HNRNPR: variants seen among roughly 807,000 people sequenced by gnomAD.
HNRNPR encodes the protein heterogeneous nuclear ribonucleoprotein R.
Under a neutral mutation model 70.3 loss-of-function variants are expected in HNRNPR, and 4 were observed. The observed-to-expected ratio is 0.06, with a 90% CI of 0.03 to 0.13. The LOEUF (loss-of-function observed/expected upper bound fraction) is 0.13, where lower values mean the gene tolerates loss of function less well. Ranked by LOEUF, HNRNPR falls within the 10% of genes least tolerant of loss-of-function variation. HNRNPR has a pLI of 1.00. For synonymous variants in HNRNPR, 241 were observed against 267.6 expected (o/e 0.90, Z 0.97); for missense variants, 423 against 788.5 (o/e 0.54, Z 5.55).
chr1:23,321,644 C>T lies in HNRNPR; in HGVS notation c.695G>A (p.Arg232His), dbSNP rs764215177. Residue 232 changes from arginine to histidine, a missense_variant, in exon 7 of 11, where the codon CGC becomes CAC. Arg to His is a conservative substitution (Grantham distance 29). This residue lies in a region of HNRNPR where 118 missense variants were observed against 239.3 expected (regional missense o/e 0.49). Coordinates refer to ENST00000302271, the MANE Select transcript of HNRNPR (RefSeq NM_005826.5). ...AVKLCDSYEI[R>H]PGKHLGVCIS... is the part of the protein sequence containing the mutation. ...GCACACTCCAAGGTGTTTACCAGGG[C>T]GAATTTCATAGCTGTCACACTGCAA... The T allele has an allele frequency of 1.9e-6, 3 of 1,608,614 alleles. No individual in the cohort carries two copies. The highest frequency in any genetic ancestry group is 1.3e-5 in the African/African-American group (1 of 74,876).
At chr1:23,320,100 G>A (rs1444701920) in intron 7 of HNRNPR, among the ~76,000 whole-genome samples, 3 of 152,104 alleles carry the variant, frequency 2.0e-5, no homozygotes, top group African/African-American at 7.2e-5. Flanking sequence ...TGAAAGCAGA[G>A]AATATGTCTC....
Position 23,318,494 on chromosome 1 carries a change from C to A in HNRNPR, c.1006G>T (p.Val336Phe). The A allele has an allele frequency of 6.2e-7, 1 of 1,614,086 alleles. No individual in the cohort carries two copies. The highest frequency in any genetic ancestry group is 8.5e-7 in the Non-Finnish European group (1 of 1,179,922). The change falls in exon 8 of 11, where the codon GTC becomes TTC. Residue 336 changes from valine (V) to phenylalanine (F), a missense_variant. Physicochemically the swap from Val to Phe is conservative, Grantham distance 50 (BLOSUM62 -1). Transcript: ENST00000302271. The surrounding 1 kb of genome is among the most constrained non-coding windows in gnomAD (Gnocchi z 4.2). ...ADPVEEPDPE[V>F]MAKVKVLFVR... Reference sequence around the variant, plus strand: ...GCAACTGTATTTACCTTAGCCATGACTTCTGGATCTGGTTCTTCCACAGGG... The same window carrying A: ...GCAACTGTATTTACCTTAGCCATGAATTCTGGATCTGGTTCTTCCACAGGG...
chr1:23,322,926 G>A (rs935429619), intron 6 of HNRNPR, among the ~76,000 whole-genome samples: 4 of 152,084 alleles, frequency 2.6e-5, no homozygotes, highest in African/African-American at 9.7e-5. Flanking sequence ...TACTACTACT[G>A]GTCTGAAATG....
At chr1:23,333,264 G>C (rs1646318290) in intron 5 of HNRNPR, among the ~76,000 whole-genome samples, 1 of 152,144 alleles carries the variant, frequency 6.6e-6, no homozygotes. Flanking sequence ...ATGGTGTGCT[G>C]CTAGTAGCAT....
chr1:23,332,759 G>C (rs1175851117), intron 5 of HNRNPR, among the ~76,000 whole-genome samples: 2 of 150,670 alleles, frequency 1.3e-5, no homozygotes, highest in African/African-American at 4.9e-5. Context: ...AAAAAAACTT[G>C]GTTGGGCACT....
intron 5 of HNRNPR, among the ~76,000 whole-genome samples, chr1:23,326,379 T>C (rs538873953): frequency 1.3e-5 from 2 of 152,292 alleles, no homozygotes; most frequent in African/African-American, 4.8e-5. Context: ...AAAAACATAC[T>C]GAGAAAAGCA....
intron 7 of HNRNPR, among the ~76,000 whole-genome samples, chr1:23,320,403 T>C (rs1309322075): frequency 6.6e-6 from 1 of 152,032 alleles, no homozygotes; most frequent in Non-Finnish European, 1.5e-5. Flanking sequence ...GGAGCTGAAG[T>C]AAAGGACTAA....
At chr1:23,335,011 G>A (rs980061604) in intron 4 of HNRNPR, among the ~76,000 whole-genome samples, 2 of 151,780 alleles carry the variant, frequency 1.3e-5, no homozygotes, top group African/African-American at 4.8e-5. Flanking sequence ...TCCGCCTCCC[G>A]GGTTCACGCC....
rs922402232 is a variant in HNRNPR at position 23,318,103 on chromosome 1, T to C, written c.1017+380A>G. ...TCATGGCCAAGTAATAAAGTCATAA[T>C]ATAGTCAATGAAGATTATAACTTAT... On this transcript the variant is annotated intron_variant, in intron 8 of 10. Transcript: ENST00000302271. This position sits in a 1 kb window ranked among gnomAD's most constrained non-coding sequence, Gnocchi z 4.2. Among the ~76,000 whole-genome samples, 2 of 151,412 alleles carry C rather than the reference T, an allele frequency of 1.3e-5. No homozygotes were observed. Among genetic ancestry groups the C allele is most frequent in the African/African-American group, 4.8e-5 (2 of 41,308 alleles).
At chr1:23,334,129 G>C (rs1303459213) in intron 4 of HNRNPR, among the ~76,000 whole-genome samples, 2 of 152,004 alleles carry the variant, frequency 1.3e-5, no homozygotes, top group Non-Finnish European at 2.9e-5. Flanking sequence ...GGCCAGGCTG[G>C]TCAGGAACTC....
Position 23,315,295 on chromosome 1 carries a change from A to C in HNRNPR, c.1018-1593T>G, listed in dbSNP as rs912413288. On this transcript the variant is annotated intron_variant, in intron 8 of 10. Coordinates refer to ENST00000302271, the MANE Select transcript of HNRNPR (RefSeq NM_005826.5). ...GCTCCGTCTCAAAAAAAAAAAAAAA[A>C]AAAAAAAAAACAAAAACCCAAAAAA... is the stretch of plus-strand genomic sequence containing the variant. 1.3e-3 allele frequency among the ~76,000 whole-genome samples: 194 copies of C among 150,624 alleles called. 7 individuals carry two copies. The East Asian group carries it at 0.018, about 14-fold the overall frequency.
intron 5 of HNRNPR, among the ~76,000 whole-genome samples, chr1:23,326,362 T>C (rs1024019822): frequency 1.3e-5 from 2 of 152,166 alleles, no homozygotes; most frequent in Non-Finnish European, 2.9e-5. Flanking sequence ...AGAACAATCT[T>C]TGTAACAAAA....
chr1:23,331,834 T>TATAAAAAAA (rs1646240219), intron 5 of HNRNPR, among the ~76,000 whole-genome samples: 1 of 59,242 alleles, frequency 1.7e-5, no homozygotes, highest in Admixed American at 2.9e-4. Flanking sequence ...ACTGTTTCTT[T>TATAAAAAAA]AAAAAAAAAA....
intron 6 of HNRNPR, 60 bp downstream of exon 6, chr1:23,323,496 G>A: frequency 6.9e-7 from 1 of 1,451,356 alleles, no homozygotes; most frequent in Non-Finnish European, 9.5e-7. Flanking sequence ...AAACATTTTT[G>A]AATTAAAGTT....
intron 8 of HNRNPR, 126 bp from the exon 9 acceptor site, chr1:23,313,828 G>A: frequency 3.8e-6 from 4 of 1,054,120 alleles, no homozygotes; most frequent in Non-Finnish European, 5.4e-6. Context: ...GTTGTTACAG[G>A]TAGTAAGAGA....
rs189517601 is a variant in HNRNPR at position 23,331,447 on chromosome 1, C to T, written c.498+2071G>A. ...ATAGCTGGGCTTCACTTTGGGAGGC[C>T]GAGGCAGGCAGATCACCTGATGTCA... On this transcript the variant is annotated intron_variant, in intron 5 of 10. Coordinates refer to ENST00000302271, the MANE Select transcript of HNRNPR (RefSeq NM_005826.5). 2.7e-5 allele frequency among the ~76,000 whole-genome samples: 4 copies of T among 147,796 alleles called. No individual in the cohort carries two copies. The East Asian group carries it at 7.9e-4, about 29-fold the overall frequency.
At chr1:23,342,661 T>TC (rs1157825442) in intron 1 of HNRNPR, among the ~76,000 whole-genome samples, 1 of 152,042 alleles carries the variant, frequency 6.6e-6, no homozygotes, top group African/African-American at 2.4e-5. Flanking sequence ...TTTCCCATGC[T>TC]CCCCCATCCC....
chr1:23,326,419 A>G (rs975775052), intron 5 of HNRNPR, among the ~76,000 whole-genome samples: 5 of 152,174 alleles, frequency 3.3e-5, no homozygotes, highest in African/African-American at 1.2e-4. Flanking sequence ...TTAACCCTCT[A>G]TAATTGGCTT....
Position 23,318,472 on chromosome 1 carries a change from ACT to A in HNRNPR, c.1017+9_1017+10del. Reference sequence around the variant, plus strand: ...GATGACCCTATGCCCATTCCAAGCAACTGTATTTACCTTAGCCATGACTTCTG... The same window carrying A: ...GATGACCCTATGCCCATTCCAAGCAAGTATTTACCTTAGCCATGACTTCTG... On this transcript the variant is annotated intron_variant, in intron 8 of 10. Transcript: ENST00000302271. The surrounding 1 kb of genome is among the most constrained non-coding windows in gnomAD (Gnocchi z 4.2). The A allele has an allele frequency of 6.2e-7, 1 of 1,608,916 alleles. No individual in the cohort carries two copies. Among genetic ancestry groups the A allele is most frequent in the Non-Finnish European group, 8.5e-7 (1 of 1,175,264 alleles).
Sources: allele counts gnomAD v4.1 joint callset (sites outside exome capture counted in the v4.1 genomes callset), GRCh38; gene constraint gnomAD v4.1.1; regional missense constraint gnomAD v4.1.1; non-coding constraint Gnocchi (gnomAD v3.1); transcripts MANE v1.5; gene names NCBI Gene and HGNC (gene_info 2026-07-23, HGNC 2026-07-21).